Variants in L3MBTL4 observed in about 807,000 individuals in gnomAD.
L3MBTL4 encodes the protein lethal(3)malignant brain tumor-like protein 4.
Under a neutral mutation model 84.5 loss-of-function variants are expected in L3MBTL4, and 70 were observed. The observed-to-expected ratio is 0.83, with a 90% confidence interval of 0.68 to 1.01. The LOEUF is 1.01. L3MBTL4 is among the 50% of genes least tolerant of loss of function. The pLI, the probability that L3MBTL4 is intolerant of heterozygous loss-of-function variation, is 0.00. For missense variants in L3MBTL4, 715 were observed against 754.8 expected, an observed-to-expected ratio of 0.95 and a Z score of 0.62; for synonymous variants, 274 against 259.8, an observed-to-expected ratio of 1.05 and a Z score of -0.52.
intron 10 of L3MBTL4, among the ~76,000 whole-genome samples, chr18:6,227,707 T>C (rs1402420998): frequency 1.3e-5 from 2 of 152,160 alleles, no homozygotes; most frequent in African/African-American, 4.8e-5. Context: ...AATATGGGTG[T>C]TAAAATCAAT....
intron 12 of L3MBTL4, among the ~76,000 whole-genome samples, chr18:6,182,180 A>G (rs1453430190): frequency 2.0e-5 from 3 of 152,140 alleles, no homozygotes; most frequent in South Asian, 2.1e-4. Flanking sequence ...TGACTTTTTA[A>G]TAATAGCCAT....
At chr18:6,337,124 A>T (rs1357023055) in intron 1 of L3MBTL4, among the ~76,000 whole-genome samples, 1 of 152,180 alleles carries the variant, frequency 6.6e-6, no homozygotes, top group East Asian at 1.9e-4. Flanking sequence ...AAAGGAAAGA[A>T]AAGGAGCATA....
At chr18:6,318,494 T>TAAAAAAAAAAA (rs71370550) in intron 1 of L3MBTL4, among the ~76,000 whole-genome samples, 193 of 14,208 alleles carry the variant, frequency 0.014, 2 homozygotes, top group East Asian at 0.034. Flanking sequence ...ACAACAATAG[T>TAAAAAAAAAAA]AAAAAAAAAA....
intron 1 of L3MBTL4, among the ~76,000 whole-genome samples, chr18:6,328,718 C>A (rs575478525): frequency 1.3e-5 from 2 of 152,126 alleles, no homozygotes; most frequent in Admixed American, 1.3e-4. Context: ...ACTAGTACCA[C>A]GGAAACTTTT....
chr18:6,121,976 G>A (rs562624814), intron 14 of L3MBTL4, among the ~76,000 whole-genome samples: 5 of 152,166 alleles, frequency 3.3e-5, no homozygotes, highest in Admixed American at 6.5e-5. Context: ...ATATACATCC[G>A]GGAATAGGAG....
chr18:6,231,165 A>G (rs1334108897), intron 10 of L3MBTL4, among the ~76,000 whole-genome samples: 1 of 152,108 alleles, frequency 6.6e-6, no homozygotes, highest in Non-Finnish European at 1.5e-5. Flanking sequence ...GCCTATATCC[A>G]GGATGGTATT....
At chr18:6,195,343 A>C (rs1221240146) in intron 12 of L3MBTL4, among the ~76,000 whole-genome samples, 1 of 152,204 alleles carries the variant, frequency 6.6e-6, no homozygotes, top group African/African-American at 2.4e-5. Flanking sequence ...GATGTCCGCT[A>C]CCCTGTGCCC....
chr18:6,338,981 CATT>C (rs1322174724), intron 1 of L3MBTL4, among the ~76,000 whole-genome samples: 1 of 152,114 alleles, frequency 6.6e-6, no homozygotes, highest in Non-Finnish European at 1.5e-5. Context: ...ACTGTGTACT[CATT>C]AACAGAATTT....
intron 17 of L3MBTL4, among the ~76,000 whole-genome samples, 200 bp from the exon 18 acceptor site, chr18:5,960,356 G>C (rs190641665): frequency 6.6e-6 from 1 of 151,922 alleles, no homozygotes; most frequent in Non-Finnish European, 1.5e-5. Flanking sequence ...TCTTATTACC[G>C]GGCTGACCTG....
chr18:6,063,714 T>C (rs2057312175), intron 16 of L3MBTL4, among the ~76,000 whole-genome samples: 1 of 152,018 alleles, frequency 6.6e-6, no homozygotes, highest in Admixed American at 6.6e-5. Context: ...TATTTTTTTT[T>C]CTTGCTGATT....
At chr18:6,094,913 G>C (rs1450448848) in intron 14 of L3MBTL4, among the ~76,000 whole-genome samples, 1 of 152,098 alleles carries the variant, frequency 6.6e-6, no homozygotes, top group Non-Finnish European at 1.5e-5. Context: ...CAGAGAGAAG[G>C]GCGCCTTTAC....
chr18:6,331,348 G>A (rs576433467), intron 1 of L3MBTL4, among the ~76,000 whole-genome samples: 1 of 152,298 alleles, frequency 6.6e-6, no homozygotes, highest in African/African-American at 2.4e-5. Context: ...AGAGATCCAA[G>A]CTTGTACTAA....
Position 6,404,876 on chromosome 18 carries a change from C to T in L3MBTL4, c.-91+9925G>A, listed in dbSNP as rs12455119. ...AATTTTTTTTTTTTTTTTGAAGAGA[C>T]GAAGTCTCACTATGTTGCCCACGTT... is the stretch of plus-strand genomic sequence containing the variant. On this transcript the variant is annotated intron_variant, in intron 1 of 18. Coordinates refer to ENST00000317931, the MANE Select transcript of L3MBTL4 (RefSeq NM_001330559.2). 2.0e-5 allele frequency among the ~76,000 whole-genome samples: 3 copies of T among 149,794 alleles called. 1 individual carries two copies. Among genetic ancestry groups the T allele is most frequent in the South Asian group, 4.3e-4 (2 of 4,702 alleles).
chr18:6,078,662 T>TAGTG (rs1162197429), intron 16 of L3MBTL4, among the ~76,000 whole-genome samples: 7 of 152,132 alleles, frequency 4.6e-5, no homozygotes, highest in African/African-American at 1.7e-4. Context: ...CCCCAACCTT[T>TAGTG]AGTGGCACCA....
At chr18:6,360,406 GA>G (rs927378899) in intron 1 of L3MBTL4, among the ~76,000 whole-genome samples, 83 of 152,250 alleles carry the variant, frequency 5.5e-4, no homozygotes, top group African/African-American at 2.0e-3. Context: ...GATGAGACAG[GA>G]AATTAAATCA....
chr18:6,179,259 T>C (rs1318963731), intron 12 of L3MBTL4, among the ~76,000 whole-genome samples: 1 of 152,208 alleles, frequency 6.6e-6, no homozygotes, highest in Non-Finnish European at 1.5e-5. Context: ...GCAAACAAAT[T>C]GTAAGCGCAG....
At chr18:6,051,574 A>G (rs2056841662) in intron 16 of L3MBTL4, among the ~76,000 whole-genome samples, 2 of 151,730 alleles carry the variant, frequency 1.3e-5, no homozygotes, top group South Asian at 4.2e-4. Flanking sequence ...TAGGGCAGCA[A>G]GCTTGATTTG....
At chr18:6,240,304 T>C (rs2146109087) in intron 8 of L3MBTL4, among the ~76,000 whole-genome samples, 1 of 152,076 alleles carries the variant, frequency 6.6e-6, no homozygotes, top group African/African-American at 2.4e-5. Flanking sequence ...CACCAAAGTA[T>C]CCTGTTAATT....
intron 4 of L3MBTL4, among the ~76,000 whole-genome samples, chr18:6,286,753 T>C (rs1194282619): frequency 2.0e-5 from 3 of 152,134 alleles, no homozygotes; most frequent in African/African-American, 7.2e-5. Context: ...CCCACAACTG[T>C]TTCCCTCCAG....
Sources: allele counts gnomAD v4.1 joint callset (sites outside exome capture counted in the v4.1 genomes callset), GRCh38; gene constraint gnomAD v4.1.1; transcripts MANE v1.5; gene names NCBI Gene and HGNC (gene_info 2026-07-23, HGNC 2026-07-21).